Variants in ROR1 observed in about 807,000 individuals in gnomAD.
ROR1 encodes the protein ROR family WNT receptor 1.
In ROR1, 19 loss-of-function variants were observed where a neutral mutation model predicts 78.8. The observed-to-expected ratio is 0.24, with a 90% confidence interval of 0.17 to 0.35. The LOEUF is 0.35. ROR1 is among the 10% of genes least tolerant of loss of function. The pLI is 1.00. For missense variants in ROR1, 917 were observed against 1,177.8 expected (o/e 0.78, Z 3.24); for synonymous variants, 386 against 433.6 (o/e 0.89, Z 1.36).
chr1:63,952,720 C>G (rs1396780926), intron 1 of ROR1, among the ~76,000 whole-genome samples: 1 of 151,994 alleles, frequency 6.6e-6, no homozygotes, highest in African/African-American at 2.4e-5. Context: ...TACCTGAGTG[C>G]CCTGAGAATA....
intron 2 of ROR1, among the ~76,000 whole-genome samples, chr1:64,020,281 C>A (rs74942083): frequency 6.6e-6 from 1 of 152,108 alleles, no homozygotes; most frequent in Admixed American, 6.5e-5. Flanking sequence ...GAATTCAAAC[C>A]CATGTTCTTA....
At chr1:64,067,444 C>CAAAAAAAAA (rs58105318) in intron 4 of ROR1, among the ~76,000 whole-genome samples, 2 of 57,498 alleles carry the variant, frequency 3.5e-5, no homozygotes, top group Non-Finnish European at 6.7e-5. Flanking sequence ...GCCTCCGTCT[C>CAAAAAAAAA]AAAAAAAAAA....
chr1:64,142,913 A>G, intron 7 of ROR1: 3 of 1,291,022 alleles, frequency 2.3e-6, no homozygotes, highest in Non-Finnish European at 3.0e-6. Context: ...CTTCAGAGGC[A>G]CAGTTGAGAC....
intron 1 of ROR1, among the ~76,000 whole-genome samples, chr1:63,918,544 C>G (rs1005743421): frequency 2.6e-5 from 4 of 152,196 alleles, no homozygotes; most frequent in Admixed American, 2.0e-4. Context: ...TGAAACAAGG[C>G]AAGCTCTGTG....
chr1:63,791,425 G>A (rs895252070), intron 1 of ROR1, among the ~76,000 whole-genome samples: 3 of 152,108 alleles, frequency 2.0e-5, no homozygotes, highest in Admixed American at 6.6e-5. Context: ...AATGATATTA[G>A]TAATAATGTA....
intron 4 of ROR1, among the ~76,000 whole-genome samples, chr1:64,064,079 TCTGGACTATTTAA>T (rs1646938114): frequency 6.6e-6 from 1 of 152,180 alleles, no homozygotes; most frequent in Admixed American, 6.5e-5. Context: ...CAGAACAAAT[TCTGGACTATTTAA>T]CACAGAGAAT....
At chr1:63,822,891 A>G (rs545106633) in intron 1 of ROR1, among the ~76,000 whole-genome samples, 1 of 131,874 alleles carries the variant, frequency 7.6e-6, no homozygotes, top group African/African-American at 2.8e-5. Context: ...TTATTGAGTC[A>G]AAGGTAAAAG....
At chr1:63,965,906 C>T (rs61404845) in intron 1 of ROR1, among the ~76,000 whole-genome samples, 4,577 of 152,280 alleles carry the variant, frequency 0.03, 232 homozygotes, top group African/African-American at 0.1. Flanking sequence ...GTAAACCTGG[C>T]TCCTCTATTC....
chr1:63,877,058 G>A (rs950935463), intron 1 of ROR1, among the ~76,000 whole-genome samples: 3 of 151,990 alleles, frequency 2.0e-5, no homozygotes, highest in East Asian at 1.9e-4. Context: ...AATGATTAGC[G>A]CTAACTTTCT....
At chr1:64,159,304 G>C in intron 8 of ROR1, 112 bp downstream of exon 8, 1 of 825,528 alleles carries the variant, frequency 1.2e-6, no homozygotes, top group Non-Finnish European at 2.0e-6. Flanking sequence ...AGTTTTATAA[G>C]TGCTAAGGTT....
chr1:64,060,385 G>A (rs1004076066), intron 4 of ROR1, among the ~76,000 whole-genome samples: 2 of 152,188 alleles, frequency 1.3e-5, no homozygotes, highest in African/African-American at 4.8e-5. Context: ...ACCCCAACCA[G>A]AGACCTTGAA....
At chr1:64,110,675 C>T (rs1184750311) in intron 4 of ROR1, 2 of 152,088 alleles carry the variant, frequency 1.3e-5, no homozygotes, top group African/African-American at 4.8e-5. Flanking sequence ...GAGAGTTAAG[C>T]TTTGGTCTTC....
At chr1:63,909,882 G>A (rs1205162150) in intron 1 of ROR1, among the ~76,000 whole-genome samples, 1 of 152,140 alleles carries the variant, frequency 6.6e-6, no homozygotes, top group African/African-American at 2.4e-5. Flanking sequence ...CTTTTGAGTT[G>A]TTTGGCGTGC....
chr1:63,816,127 C>T (rs1644890874), intron 1 of ROR1, among the ~76,000 whole-genome samples: 4 of 152,178 alleles, frequency 2.6e-5, no homozygotes, highest in Non-Finnish European at 1.5e-5. Flanking sequence ...AGTCTTCCCA[C>T]CCTTTAGCTC....
intron 1 of ROR1, among the ~76,000 whole-genome samples, chr1:64,000,026 T>C (rs555537245): frequency 6.6e-6 from 1 of 152,280 alleles, no homozygotes; most frequent in African/African-American, 2.4e-5. Flanking sequence ...AATAGATTTT[T>C]ATTATAAAAT....
chr1:63,997,844 A>T (rs79666094), intron 1 of ROR1, among the ~76,000 whole-genome samples: 1,726 of 21,950 alleles, frequency 0.079, 16 homozygotes, highest in Non-Finnish European at 0.18. Context: ...TTTTTTTTTT[A>T]AAAGTCTTTA....
intron 8 of ROR1, among the ~76,000 whole-genome samples, chr1:64,169,627 A>AT (rs1365011377): frequency 6.6e-6 from 1 of 152,108 alleles, no homozygotes; most frequent in Non-Finnish European, 1.5e-5. Context: ...AAAACCAATC[A>AT]TCCCCTCCCA....
At chr1:63,954,039 C>T (rs932730245) in intron 1 of ROR1, among the ~76,000 whole-genome samples, 1 of 152,140 alleles carries the variant, frequency 6.6e-6, no homozygotes, top group African/African-American at 2.4e-5. Flanking sequence ...TAAGCAGACA[C>T]ATTGATTTTA....
chr1:63,831,605 C>T (rs980063993), intron 1 of ROR1, among the ~76,000 whole-genome samples: 1 of 152,212 alleles, frequency 6.6e-6, no homozygotes, highest in African/African-American at 2.4e-5. Context: ...ACCCCTGGCC[C>T]ACAAAACCAG....
Sources: gnomAD v4.1 joint callset for allele counts (sites outside exome capture counted in the v4.1 genomes callset) on GRCh38, gnomAD v4.1.1 for gene constraint, MANE v1.5 for transcripts, NCBI Gene and HGNC (gene_info 2026-07-23, HGNC 2026-07-21) for gene names.